Variants in AMBN observed in about 807,000 individuals in gnomAD.
AMBN encodes enamel matrix protein.
Under a neutral mutation model 48.0 loss-of-function variants are expected in AMBN, and 54 were observed. The observed-to-expected ratio is 1.12, with a 90% CI of 0.90 to 1.41. The LOEUF is 1.41. Ranked by LOEUF, AMBN falls within the 40% of genes most tolerant of loss-of-function variation. AMBN has a pLI of 0.00. For synonymous variants in AMBN, 186 were observed against 190.0 expected, an observed-to-expected ratio of 0.98 and a Z score of 0.17; for missense variants, 571 against 547.3, an observed-to-expected ratio of 1.04 and a Z score of -0.43.
chr4:70,597,170 G>A (rs973765209), intron 3 of AMBN, 121 bp downstream of exon 3: 6 of 775,856 alleles, frequency 7.7e-6, no homozygotes, highest in Admixed American at 5.4e-5. Flanking sequence ...TTATCCTGAG[G>A]AGTGCTAGAA....
Position 70,602,672 on chromosome 4 carries a change from G to A in AMBN, c.570+10G>A, listed in dbSNP as rs759090497. ...TCCACAAGGTCCATCAGTAAGTACAGATCTCAATGAGACACTTTCTGTATT... is the reference window on the plus strand; with the variant it reads ...TCCACAAGGTCCATCAGTAAGTACAAATCTCAATGAGACACTTTCTGTATT... On this transcript the variant is annotated intron_variant, in intron 7 of 12. Transcript: ENST00000322937. The A allele has an allele frequency of 4.5e-6, 7 of 1,568,364 alleles. No homozygotes were observed. The South Asian group carries it at 8.5e-5, about 19-fold the overall frequency.
intron 11 of AMBN, 86 bp from the exon 12 acceptor site, chr4:70,603,791 T>A: frequency 6.9e-7 from 1 of 1,452,840 alleles, no homozygotes; most frequent in Non-Finnish European, 9.6e-7. Flanking sequence ...AAGGTTTAAG[T>A]GAAAACTAAA....
In AMBN at chr4:70,606,460, G is replaced by A. The variant is rs148041312; in HGVS notation, c.1074G>A (p.Lys358=). 6.4e-4 allele frequency: 1,036 copies of A among 1,613,940 alleles called. 5 individuals are homozygous for A. In the African/African-American group the frequency reaches 0.012, roughly 19 times the overall value. ...APHAGLLALP[K]DDIPGLPRSP... ...ACGCAGGGCTCCTTGCTCTCCCTAA[G>A]GATGACATTCCCGGCCTGCCAAGGA... The change falls in exon 13 of 13, where the codon AAG becomes AAA. Residue 358 remains lysine (K), a synonymous_variant. Coordinates refer to ENST00000322937, the MANE Select transcript of AMBN (RefSeq NM_016519.6).
Position 70,601,532 on chromosome 4 carries a change from G to A in AMBN, c.409G>A (p.Ala137Thr). Residue 137 changes from alanine (A) to threonine (T), a missense_variant, in exon 6 of 13, where the codon GCC becomes ACC. Transcript: ENST00000322937. ...GTCTGCTGCTGCAACCACCAACCAGGCCACAGCACTGAAAGAAGCACTTCA... is the reference window on the plus strand; with the variant it reads ...GTCTGCTGCTGCAACCACCAACCAGACCACAGCACTGAAAGAAGCACTTCA... ...LQSAAATTNQ[A>T]TALKEALQPP... The A allele has an allele frequency of 4.3e-6, 7 of 1,614,112 alleles. No homozygotes were observed. The highest frequency in any genetic ancestry group is 5.9e-6 in the Non-Finnish European group (7 of 1,180,010).
chr4:70,606,990 C>G lies in AMBN; in HGVS notation c.*260C>G, dbSNP rs932191368. 2 of 404,998 alleles carry G rather than the reference C, an allele frequency of 4.9e-6. No individual in the cohort carries two copies. The highest frequency in any genetic ancestry group is 8.8e-6 in the Non-Finnish European group (2 of 227,814). 25.1% of individuals were successfully genotyped at this position (404,998 alleles called of 1,614,324 possible). On this transcript the variant is annotated 3_prime_UTR_variant, in exon 13 of 13. Coordinates refer to ENST00000322937, the MANE Select transcript of AMBN (RefSeq NM_016519.6). ...CATCAGAGCAAGGTTCTAAGGGTCT[C>G]AGCATTTGATCATCACTTTTTCTTA... is the stretch of plus-strand genomic sequence containing the variant.
At position 70,598,382 on chromosome 4, in the gene AMBN, G is replaced by T; in HGVS notation, c.162G>T (p.Gln54His). Residue 54 changes from glutamine to histidine, a missense_variant, in exon 4 of 13, where the codon CAG (glutamine) becomes CAT (histidine). Coordinates refer to ENST00000322937, the MANE Select transcript of AMBN (RefSeq NM_016519.6). Reference sequence around the variant, plus strand: ...CAATGAGACAGTTGGGAAGTCTGCAGAGATTAAACACACTTTCTCAGGTAA... The same window carrying T: ...CAATGAGACAGTTGGGAAGTCTGCATAGATTAAACACACTTTCTCAGGTAA... The part of the protein sequence containing the change: ...LETMRQLGSL[Q>H]RLNTLSQYSR... 4 of 1,589,392 alleles carry T rather than the reference G, an allele frequency of 2.5e-6. No homozygotes were observed. The highest frequency in any genetic ancestry group is 1.3e-5 in the African/African-American group (1 of 74,128).
chr4:70,597,035 A>C lies in AMBN; in HGVS notation c.121A>C (p.Ser41Arg), dbSNP rs770257329. 7 of 1,613,480 alleles carry C rather than the reference A, an allele frequency of 4.3e-6. No individual in the cohort carries two copies. Among genetic ancestry groups the C allele is most frequent in the Non-Finnish European group, 5.9e-6 (7 of 1,179,546 alleles). The change falls in exon 3 of 13, where the codon AGT becomes CGT. Residue 41 changes from serine to arginine, a missense_variant. Physicochemically the swap from Ser to Arg is moderately radical, Grantham distance 110. Coordinates refer to ENST00000322937, the MANE Select transcript of AMBN (RefSeq NM_016519.6). ...GCAATCTGGAACACCGGGTATGGCT[A>C]GTTTGAGCCTTGAGGTATGTATTGT... ...PQQSGTPGMA[S>R]LSLETMRQLG...
intron 3 of AMBN, 25 bp from the exon 4 acceptor site, chr4:70,598,331 G>A: frequency 4.5e-6 from 7 of 1,551,338 alleles, no homozygotes; most frequent in Non-Finnish European, 6.1e-6. Flanking sequence ...GCGATAAACA[G>A]TAACCCACTT....
chr4:70,599,035 A>G (rs1462484662), intron 4 of AMBN, among the ~76,000 whole-genome samples: 1 of 150,738 alleles, frequency 6.6e-6, no homozygotes, highest in Admixed American at 6.6e-5. Context: ...TCGGCCTCCC[A>G]AAGTGCTGGG....
chr4:70,600,449 C>T (rs1182702369), intron 5 of AMBN, among the ~76,000 whole-genome samples: 1 of 152,050 alleles, frequency 6.6e-6, no homozygotes, highest in Non-Finnish European at 1.5e-5. Flanking sequence ...AAAGCGAAGA[C>T]ATTTAAGAAT....
At position 70,593,329 on chromosome 4, in the gene AMBN, T is replaced by C; in HGVS notation, c.18T>C (p.Ile6=). ...TCTCCAACTTAATTATGTTTTAGAT[T>C]CCACTTTTCAAAATGAAGGACCTGA... MSASK[I]PLFKMKDLIL... is the part of the protein sequence containing the mutation. Residue 6 remains isoleucine, a splice_region_variant and synonymous_variant, in exon 2 of 13, where the codon ATT becomes ATC. Transcript: ENST00000322937. 6.2e-7 allele frequency: 1 copy of C among 1,606,066 alleles called. No homozygotes were observed. The highest frequency in any genetic ancestry group is 8.5e-7 in the Non-Finnish European group (1 of 1,174,354).
In AMBN at chr4:70,606,751, C is replaced by T; in HGVS notation, c.*21C>T. On this transcript the variant is annotated 3_prime_UTR_variant, in exon 13 of 13. Coordinates refer to ENST00000322937, the MANE Select transcript of AMBN (RefSeq NM_016519.6). Reference sequence around the variant, plus strand: ...CCTGACAGCTCTAAGATATTAGCTACTTTCTGTATGCACAAGCTTCCCAGC... The same window carrying T: ...CCTGACAGCTCTAAGATATTAGCTATTTTCTGTATGCACAAGCTTCCCAGC... The T allele has an allele frequency of 6.3e-7, 1 of 1,587,316 alleles. No homozygotes were observed. Among genetic ancestry groups the T allele is most frequent in the Non-Finnish European group, 8.6e-7 (1 of 1,166,220 alleles).
intron 4 of AMBN, 43 bp downstream of exon 4, chr4:70,598,446 G>C: frequency 7.6e-6 from 11 of 1,456,028 alleles, no homozygotes; most frequent in Non-Finnish European, 1.0e-5. Flanking sequence ...TGGTGGTAGT[G>C]TTAATATTAG....
intron 1 of AMBN, among the ~76,000 whole-genome samples, 161 bp downstream of exon 1, chr4:70,592,534 C>T (rs1737296086): frequency 6.6e-6 from 1 of 151,182 alleles, no homozygotes; most frequent in Non-Finnish European, 1.5e-5. Flanking sequence ...ATGCCTAACA[C>T]CCATTCAACT....
intron 5 of AMBN, 24 bp from the exon 6 acceptor site, chr4:70,601,394 C>A: frequency 6.2e-7 from 1 of 1,608,938 alleles, no homozygotes; most frequent in Non-Finnish European, 8.5e-7. Flanking sequence ...CCCTTCCTAA[C>A]ACTCTTTTCA....
chr4:70,603,979 T>C (rs1200241511), intron 12 of AMBN, 58 bp downstream of exon 12: 4 of 1,559,790 alleles, frequency 2.6e-6, no homozygotes, highest in East Asian at 4.5e-5. Flanking sequence ...CAGTCACTTA[T>C]GACTGGCTGC....
rs1364866896 is a variant in AMBN, at chr4:70,601,609, G to A, written c.486G>A (p.Leu162=). 2 of 1,614,142 alleles carry A rather than the reference G, an allele frequency of 1.2e-6. No individual in the cohort carries two copies. Among genetic ancestry groups the A allele is most frequent in the Non-Finnish European group, 1.7e-6 (2 of 1,180,008 alleles). ...CCTTGCAGGAAGGAGAACTGCCTCT[G>A]GTTCAGCAGCAGGTGGCACCATCAG... ...HLPLQEGELP[L]VQQQVAPSDK... The change falls in exon 6 of 13, where the codon CTG becomes CTA. Residue 162 remains leucine, a synonymous_variant. Transcript: ENST00000322937.
intron 5 of AMBN, among the ~76,000 whole-genome samples, chr4:70,599,993 A>G (rs1425836003): frequency 6.6e-6 from 1 of 152,196 alleles, no homozygotes. Flanking sequence ...GCTGATTTCA[A>G]ATGATGACAA....
At chr4:70,601,877 C>T in intron 6 of AMBN, 1 of 646,090 alleles carries the variant, frequency 1.5e-6, no homozygotes, top group Non-Finnish European at 2.8e-6. Context: ...CTAAAAGATA[C>T]TGTGCCTATA....
Sources: allele counts gnomAD v4.1 joint callset (sites outside exome capture counted in the v4.1 genomes callset), GRCh38; gene constraint gnomAD v4.1.1; transcripts MANE v1.5; gene names NCBI Gene and HGNC (gene_info 2026-07-23, HGNC 2026-07-21).